Variants in B4GALT7 observed in about 807,000 individuals in gnomAD.
B4GALT7 encodes UDP-Gal:beta-GlcNAc beta-1,4-galactosyltransferase 7.
B4GALT7 carries 30 observed loss-of-function variants against 33.0 expected under a neutral mutation model. The ratio of observed to expected loss-of-function variants is 0.91; its 90% confidence interval spans 0.68 to 1.23. B4GALT7 has a LOEUF of 1.23. Among genes scored for constraint, B4GALT7 ranks in the 50% most tolerant of loss-of-function variants. B4GALT7 has a pLI of 0.00. For synonymous variants in B4GALT7, 213 were observed against 187.2 expected (o/e 1.14, Z -1.13); for missense variants, 507 against 450.8 (o/e 1.12, Z -1.13).
intron 3 of B4GALT7, chr5:177,607,741 G>A: frequency 1.7e-6 from 1 of 604,466 alleles, no homozygotes; most frequent in South Asian, 1.9e-5. Flanking sequence ...AACCTGGGTG[G>A]TTAGTGGCCC....
At chr5:177,605,223 C>T (rs1767957160) in intron 2 of B4GALT7, 2 of 353,386 alleles carry the variant, frequency 5.7e-6, no homozygotes, top group South Asian at 2.1e-5. Flanking sequence ...CTGGCATACT[C>T]CCTCAAGCCT....
intron 1 of B4GALT7, chr5:177,601,528 C>T (rs1284982042): frequency 6.6e-6 from 1 of 152,220 alleles, no homozygotes; most frequent in Non-Finnish European, 1.5e-5. Context: ...TTTCTATTTC[C>T]TGATCCTTTT....
At position 177,609,831 on chromosome 5, in the gene B4GALT7, C is replaced by T; in HGVS notation, c.*136C>T. The T allele has an allele frequency of 9.7e-6, 12 of 1,233,444 alleles. No individual in the cohort carries two copies. Among genetic ancestry groups the T allele is most frequent in the Non-Finnish European group, 1.4e-5 (12 of 880,594 alleles). 76.4% of individuals were successfully genotyped at this position (1,233,444 alleles called of 1,614,324 possible). A position where few individuals can be genotyped will look rare whatever the true frequency, so the allele number is the denominator to read the frequency against. On this transcript the variant is annotated 3_prime_UTR_variant, in exon 6 of 6. Transcript: ENST00000029410. Reference sequence around the variant, plus strand: ...AGACAGCAAGCTACGCAATTGCAGCCACCCGGCCGCCAAGGCAGGCTTGGG... The same window carrying T: ...AGACAGCAAGCTACGCAATTGCAGCTACCCGGCCGCCAAGGCAGGCTTGGG...
chr5:177,600,381 G>C lies in B4GALT7; in HGVS notation c.50+121G>C, dbSNP rs925910733. ...CATGTCTGCGGGTTTCTGTGAGGGC[G>C]TGTGGTTCTCCCTGTGGGTCCCTGG... On this transcript the variant is annotated intron_variant, in intron 1 of 5. Coordinates refer to ENST00000029410, the MANE Select transcript of B4GALT7 (RefSeq NM_007255.3). This position sits in a 1 kb window ranked among gnomAD's most constrained non-coding sequence, Gnocchi z 4.4. The C allele has an allele frequency of 3.6e-5, 30 of 822,454 alleles. No homozygotes were observed. Among genetic ancestry groups the C allele is most frequent in the Non-Finnish European group, 4.7e-5 (29 of 614,724 alleles). The allele number at this position is 822,454 out of a possible 1,614,324, so 50.9% of individuals were successfully genotyped here. A position where few individuals can be genotyped will look rare whatever the true frequency, so the allele number is the denominator to read the frequency against.
At chr5:177,604,014 A>G in intron 1 of B4GALT7, 165 bp from the exon 2 acceptor site, 1 of 1,019,828 alleles carries the variant, frequency 9.8e-7, no homozygotes, top group Non-Finnish European at 1.5e-6. Context: ...ATTCGGATGC[A>G]TGGTAGTGGC....
In B4GALT7 at chr5:177,604,394, C is replaced by T. The variant is rs752670843; in HGVS notation, c.266C>T (p.Ser89Phe). The T allele has an allele frequency of 6.2e-7, 1 of 1,613,740 alleles. No individual in the cohort carries two copies. The highest frequency in any genetic ancestry group is 8.5e-7 in the Non-Finnish European group (1 of 1,179,830). The change falls in exon 2 of 6, where the codon TCC (serine) becomes TTC (phenylalanine). Residue 89 changes from serine (S) to phenylalanine (F), a missense_variant. Ser to Phe is a radical substitution (Grantham distance 155, BLOSUM62 -2). Coordinates refer to ENST00000029410, the MANE Select transcript of B4GALT7 (RefSeq NM_007255.3). ...CCTGAGCACTGGGAAGAAGACGCAT[C>T]CTGGGGCCCCCACCGCCTGGCAGTG... ...PPPEHWEEDA[S>F]WGPHRLAVLV...
rs766536438 is a variant in B4GALT7, at chr5:177,604,384, G to C, written c.256G>C (p.Glu86Gln). The C allele has an allele frequency of 3.1e-6, 5 of 1,613,468 alleles. No homozygotes were observed. Among genetic ancestry groups the C allele is most frequent in the Non-Finnish European group, 4.2e-6 (5 of 1,179,732 alleles). ...PPEPPPEHWEEDASWGPHRLA... is the reference protein window; with the variant it reads ...PPEPPPEHWEQDASWGPHRLA... ...AGAGCCGCCCCCTGAGCACTGGGAAGAAGACGCATCCTGGGGCCCCCACCG... is the reference window on the plus strand; with the variant it reads ...AGAGCCGCCCCCTGAGCACTGGGAACAAGACGCATCCTGGGGCCCCCACCG... The change falls in exon 2 of 6, where the codon GAA (glutamate) becomes CAA (glutamine). Residue 86 changes from glutamate (E) to glutamine (Q), a missense_variant. Coordinates refer to ENST00000029410, the MANE Select transcript of B4GALT7 (RefSeq NM_007255.3).
chr5:177,604,560 C>G lies in B4GALT7; in HGVS notation c.413+19C>G, dbSNP rs1561814408. 1 of 1,613,260 alleles carries G rather than the reference C, an allele frequency of 6.2e-7. No individual in the cohort carries two copies. The highest frequency in any genetic ancestry group is 1.3e-5 in the African/African-American group (1 of 74,918). ...ACTTCAGGTAGCGCCCGCCCCCACC[C>G]TCTCCCCTCGGCACCCCTGCCCGGG... On this transcript the variant is annotated intron_variant, in intron 2 of 5. Coordinates refer to ENST00000029410, the MANE Select transcript of B4GALT7 (RefSeq NM_007255.3).
At chr5:177,604,947 G>A (rs55763804) in intron 2 of B4GALT7, 132,067 of 460,188 alleles carry the variant, frequency 0.29, 19,687 homozygotes, top group Middle Eastern at 0.35. Context: ...CCCACAGTCT[G>A]GCGTTATCCT....
At position 177,608,491 on chromosome 5, in the gene B4GALT7, C is replaced by CCCCG. The variant is rs779275826; in HGVS notation, c.640-45_640-44insGCCC. 4 of 1,522,084 alleles carry CCCCG rather than the reference C, an allele frequency of 2.6e-6. No individual in the cohort carries two copies. The African/African-American group carries it at 5.7e-5, about 22-fold the overall frequency. The allele number at this position is 1,522,084 out of a possible 1,614,324, so 94.3% of individuals were successfully genotyped here. Reference sequence around the variant, plus strand: ...CCGAGCGGTAGGAGACCAAAGGCCCCCCCCCCCGGGAAGATGGGCCGAGTG... The same window carrying CCCCG: ...CCGAGCGGTAGGAGACCAAAGGCCCCCCCGCCCCCCCGGGAAGATGGGCCGAGTG... On this transcript the variant is annotated intron_variant, in intron 3 of 5. Transcript: ENST00000029410. This position sits in a 1 kb window ranked among gnomAD's most constrained non-coding sequence, Gnocchi z 4.1.
At chr5:177,602,389 C>G (rs1767870515) in intron 1 of B4GALT7, among the ~76,000 whole-genome samples, 1 of 152,182 alleles carries the variant, frequency 6.6e-6, no homozygotes, top group South Asian at 2.1e-4. Context: ...TTGGCAAGCT[C>G]TCTGCTGTCT....
intron 2 of B4GALT7, 122 bp downstream of exon 2, chr5:177,604,663 G>T (rs941292751): frequency 1.5e-6 from 2 of 1,304,500 alleles, no homozygotes; most frequent in Non-Finnish European, 2.2e-6. Context: ...CCTCTCACTG[G>T]GTGTGACAGG....
chr5:177,608,679 C>T lies in B4GALT7; in HGVS notation c.723+57C>T, dbSNP rs1768089235. On this transcript the variant is annotated intron_variant, in intron 4 of 5. Coordinates refer to ENST00000029410, the MANE Select transcript of B4GALT7 (RefSeq NM_007255.3). This position sits in a 1 kb window ranked among gnomAD's most constrained non-coding sequence, Gnocchi z 4.1. The stretch of plus-strand genomic sequence containing the variant: ...GCTGCGGTGGCTGCCCTGAGATTTT[C>T]TTCTGTTTCCTCAGATGAAGCTCCT... 6.6e-7 allele frequency: 1 copy of T among 1,519,278 alleles called. No individual in the cohort carries two copies. Among genetic ancestry groups the T allele is most frequent in the Non-Finnish European group, 9.1e-7 (1 of 1,100,770 alleles). 94.1% of individuals were successfully genotyped at this position (1,519,278 alleles called of 1,614,324 possible). A position where few individuals can be genotyped will look rare whatever the true frequency, so the allele number is the denominator to read the frequency against.
chr5:177,605,077 C>G (rs911931834), intron 2 of B4GALT7: 20 of 455,708 alleles, frequency 4.4e-5, no homozygotes, highest in African/African-American at 4.0e-4. Flanking sequence ...TTCTCAGCCC[C>G]ACCAGCCTGA....
In B4GALT7 at chr5:177,608,895, C is replaced by G; in HGVS notation, c.724-15C>G. 6.2e-7 allele frequency: 1 copy of G among 1,610,986 alleles called. No homozygotes were observed. The highest frequency in any genetic ancestry group is 8.5e-7 in the Non-Finnish European group (1 of 1,177,844). On this transcript the variant is annotated splice_polypyrimidine_tract_variant and intron_variant, in intron 4 of 5. Coordinates refer to ENST00000029410, the MANE Select transcript of B4GALT7 (RefSeq NM_007255.3). This position sits in a 1 kb window ranked among gnomAD's most constrained non-coding sequence, Gnocchi z 4.1. ...GGAAGGGCAGCCTGACCCCGACTTCCTTGGACCTCCCTAGCTTTTCCGCCC... is the reference window on the plus strand; with the variant it reads ...GGAAGGGCAGCCTGACCCCGACTTCGTTGGACCTCCCTAGCTTTTCCGCCC...
At chr5:177,609,479 C>T (rs1198475924) in intron 5 of B4GALT7, 61 bp from the exon 6 acceptor site, 2 of 1,597,262 alleles carry the variant, frequency 1.3e-6, no homozygotes, top group African/African-American at 1.3e-5. Flanking sequence ...TGTGTGGGGT[C>T]AGTGGGTAGC....
Position 177,600,299 on chromosome 5 carries a change from G to T in B4GALT7, c.50+39G>T, listed in dbSNP as rs1767810639. The T allele has an allele frequency of 7.7e-7, 1 of 1,293,206 alleles. No homozygotes were observed. Among genetic ancestry groups the T allele is most frequent in the African/African-American group, 1.5e-5 (1 of 64,764 alleles). The allele number at this position is 1,293,206 out of a possible 1,614,324, so 80.1% of individuals were successfully genotyped here. A position where few individuals can be genotyped will look rare whatever the true frequency, so the allele number is the denominator to read the frequency against. ...GTGGGCCCGGGCCCCGTCCTCCCGG[G>T]CGCCGCTCCCTTCTCGGCCGCCGGC... On this transcript the variant is annotated intron_variant, in intron 1 of 5. Transcript: ENST00000029410. This position sits in a 1 kb window ranked among gnomAD's most constrained non-coding sequence, Gnocchi z 4.4.
chr5:177,607,047 T>C, intron 2 of B4GALT7: 1 of 574,428 alleles, frequency 1.7e-6, no homozygotes, highest in South Asian at 1.9e-5. Context: ...TTCTGTTTCC[T>C]TCTATTGGAA....
Position 177,608,236 on chromosome 5 carries a change from A to G in B4GALT7, c.640-303A>G. 2 of 433,898 alleles carry G rather than the reference A, an allele frequency of 4.6e-6. No homozygotes were observed. The highest frequency in any genetic ancestry group is 4.7e-5 in the South Asian group (2 of 42,524). The allele number at this position is 433,898 out of a possible 1,614,324, so 26.9% of individuals were successfully genotyped here. A position where few individuals can be genotyped will look rare whatever the true frequency, so the allele number is the denominator to read the frequency against. On this transcript the variant is annotated intron_variant, in intron 3 of 5. Transcript: ENST00000029410. The surrounding 1 kb of genome is among the most constrained non-coding windows in gnomAD (Gnocchi z 4.1). ...CACCAGGAGAAAGGGGAATGGGGGA[A>G]GCAGAAATCAAGTAGGAGCTGGCGC... is the stretch of plus-strand genomic sequence containing the variant.
Sources: gnomAD v4.1 joint callset for allele counts (sites outside exome capture counted in the v4.1 genomes callset) on GRCh38, gnomAD v4.1.1 for gene constraint, Gnocchi (gnomAD v3.1) non-coding constraint, MANE v1.5 for transcripts, NCBI Gene and HGNC (gene_info 2026-07-23, HGNC 2026-07-21) for gene names.